PTPRD: variants seen among roughly 807,000 people sequenced by gnomAD.
PTPRD encodes receptor-type tyrosine-protein phosphatase delta.
Under a neutral mutation model 214.5 loss-of-function variants are expected in PTPRD, and 34 were observed. That is an observed-to-expected ratio of 0.16 (90% CI 0.12 to 0.21). The LOEUF (loss-of-function observed/expected upper bound fraction) is 0.21, where lower values mean the gene tolerates loss of function less well. Ranked by LOEUF, PTPRD falls within the 10% of genes least tolerant of loss-of-function variation. The probability of loss-of-function intolerance (pLI) is 1.00; values close to 1 mark genes in which losing one functional copy is unlikely to be tolerated. For synonymous variants in PTPRD, 1,128 were observed against 845.7 expected, an observed-to-expected ratio of 1.33 and a Z score of -5.79; for missense variants, 2,545 against 2,398.7, an observed-to-expected ratio of 1.06 and a Z score of -1.27.
intron 9 of PTPRD, among the ~76,000 whole-genome samples, chr9:9,356,225 G>T (rs139687511): frequency 2.6e-5 from 4 of 151,214 alleles, no homozygotes; most frequent in Non-Finnish European, 5.9e-5. Flanking sequence ...TTTTGTGTAT[G>T]TTTTTTTAAT....
chr9:10,078,960 C>G (rs2099435073), intron 3 of PTPRD, among the ~76,000 whole-genome samples: 1 of 152,078 alleles, frequency 6.6e-6, no homozygotes, highest in Non-Finnish European at 1.5e-5. Flanking sequence ...CAGCTTAAAT[C>G]TACTTTCAAT....
chr9:9,990,701 T>C (rs1305105945), intron 4 of PTPRD, among the ~76,000 whole-genome samples: 1 of 152,232 alleles, frequency 6.6e-6, no homozygotes, highest in Non-Finnish European at 1.5e-5. Flanking sequence ...CCCTGTTGCA[T>C]TGATTTTCTT....
At chr9:9,541,226 A>C (rs958115032) in intron 8 of PTPRD, among the ~76,000 whole-genome samples, 2 of 151,780 alleles carry the variant, frequency 1.3e-5, no homozygotes, top group African/African-American at 4.8e-5. Context: ...TGGAGCCTTG[A>C]AAAGCACTTT....
intron 2 of PTPRD, among the ~76,000 whole-genome samples, chr9:10,611,021 A>G (rs1292268162): frequency 1.3e-5 from 2 of 152,174 alleles, no homozygotes; most frequent in Admixed American, 1.3e-4. Flanking sequence ...ACAATTAAAT[A>G]CAAGGAAGCC....
intron 3 of PTPRD, among the ~76,000 whole-genome samples, chr9:10,238,828 T>C (rs1287022797): frequency 6.6e-6 from 1 of 151,978 alleles, no homozygotes; most frequent in Non-Finnish European, 1.5e-5. Context: ...GGAATTTTTA[T>C]TTAAACTTTT....
chr9:8,370,478 A>G (rs1260824072), intron 39 of PTPRD, among the ~76,000 whole-genome samples: 2 of 152,094 alleles, frequency 1.3e-5, no homozygotes, highest in Non-Finnish European at 2.9e-5. Flanking sequence ...AGCAAAATAT[A>G]CTATTTTCTG....
chr9:8,449,604 T>C (rs1352558932), intron 34 of PTPRD, 121 bp downstream of exon 34: 5 of 922,954 alleles, frequency 5.4e-6, no homozygotes, highest in South Asian at 4.8e-5. Context: ...AATAGTAAAA[T>C]AAAAGAGCAG....
chr9:9,479,163 A>G (rs1008941816), intron 8 of PTPRD, among the ~76,000 whole-genome samples: 40 of 148,960 alleles, frequency 2.7e-4, no homozygotes, highest in African/African-American at 9.5e-4. Flanking sequence ...GTCCAAAAAT[A>G]GTTCTTATAT....
At chr9:10,092,156 C>T (rs995127787) in intron 3 of PTPRD, among the ~76,000 whole-genome samples, 2 of 151,448 alleles carry the variant, frequency 1.3e-5, no homozygotes, top group East Asian at 1.9e-4. Context: ...CTGTGTCTAC[C>T]AAACCACCTA....
At chr9:10,482,119 C>T (rs1204735036) in intron 2 of PTPRD, among the ~76,000 whole-genome samples, 2 of 152,076 alleles carry the variant, frequency 1.3e-5, no homozygotes, top group Non-Finnish European at 2.9e-5. Flanking sequence ...CGCCTGTAAT[C>T]CCAGCATTTT....
intron 2 of PTPRD, among the ~76,000 whole-genome samples, chr9:10,441,793 A>T (rs527877603): frequency 1.3e-5 from 2 of 151,788 alleles, no homozygotes; most frequent in African/African-American, 4.8e-5. Context: ...AATCCACGAC[A>T]AATAAATACA....
intron 5 of PTPRD, among the ~76,000 whole-genome samples, chr9:9,881,811 G>A (rs954259655): frequency 3.3e-5 from 5 of 152,028 alleles, no homozygotes; most frequent in Non-Finnish European, 5.9e-5. Context: ...AAATAAAAAG[G>A]AGAAACTTGA....
At chr9:9,313,462 TG>T (rs763217702) in intron 9 of PTPRD, among the ~76,000 whole-genome samples, 3 of 152,128 alleles carry the variant, frequency 2.0e-5, no homozygotes, top group Non-Finnish European at 2.9e-5. Context: ...ACAAGAAACT[TG>T]ACCTCAGAGT....
At chr9:10,171,407 C>T (rs184780641) in intron 3 of PTPRD, among the ~76,000 whole-genome samples, 2 of 152,188 alleles carry the variant, frequency 1.3e-5, no homozygotes, top group Non-Finnish European at 2.9e-5. Flanking sequence ...TCTCTTGCCA[C>T]GGACATGTAG....
In PTPRD at chr9:8,744,836, A is replaced by G. The variant is rs149100773; in HGVS notation, c.-103-10890T>C. The stretch of plus-strand genomic sequence containing the variant: ...TTTAAAGGCAGAACATTATAATCCC[A>G]ACGTTGTCCTCATGACTATTCCCAC... On this transcript the variant is annotated intron_variant, in intron 11 of 45. Coordinates refer to ENST00000381196, the MANE Select transcript of PTPRD (RefSeq NM_002839.4). Among the ~76,000 whole-genome samples the G allele has an allele frequency of 2.2e-3, 337 of 152,310 alleles. 1 individual carries two copies. Among genetic ancestry groups the G allele is most frequent in the African/African-American group, 7.6e-3 (315 of 41,572 alleles).
chr9:10,603,289 C>T (rs2078443670), intron 2 of PTPRD, among the ~76,000 whole-genome samples: 1 of 151,826 alleles, frequency 6.6e-6, no homozygotes, highest in Non-Finnish European at 1.5e-5. Flanking sequence ...AGGAGATACA[C>T]TGGAGTTAGT....
intron 3 of PTPRD, among the ~76,000 whole-genome samples, chr9:10,287,801 T>A (rs576767024): frequency 6.6e-6 from 1 of 152,180 alleles, no homozygotes; most frequent in Non-Finnish European, 1.5e-5. Context: ...TTAGAAGCAT[T>A]CCTTAGGCAG....
intron 11 of PTPRD, among the ~76,000 whole-genome samples, chr9:8,795,239 A>C (rs1379699255): frequency 3.3e-5 from 5 of 152,074 alleles, no homozygotes; most frequent in Admixed American, 1.3e-4. Flanking sequence ...ATCTCGGCTC[A>C]CTGCAACCTC....
At chr9:9,845,764 A>T (rs551313283) in intron 5 of PTPRD, among the ~76,000 whole-genome samples, 1 of 152,052 alleles carries the variant, frequency 6.6e-6, no homozygotes, top group Non-Finnish European at 1.5e-5. Context: ...AAGCACAGAC[A>T]AGACAAAGTA....
Sources: gnomAD v4.1 joint callset for allele counts (sites outside exome capture counted in the v4.1 genomes callset) on GRCh38, gnomAD v4.1.1 for gene constraint, MANE v1.5 for transcripts, NCBI Gene and HGNC (gene_info 2026-07-23, HGNC 2026-07-21) for gene names.